ATP6V1C1: variants seen among roughly 807,000 people sequenced by gnomAD.
The protein encoded by ATP6V1C1 is V-type proton ATPase subunit C 1.
A neutral mutation model predicts 53.9 loss-of-function variants in ATP6V1C1; 45 were observed. The ratio of observed to expected loss-of-function variants is 0.83; its 90% CI spans 0.66 to 1.07. The LOEUF (loss-of-function observed/expected upper bound fraction) is 1.07, where lower values mean the gene tolerates loss of function less well. ATP6V1C1 is among the 50% of genes least tolerant of loss of function. ATP6V1C1 has a pLI of 0.00. For synonymous variants in ATP6V1C1, 153 were observed against 155.2 expected, an observed-to-expected ratio of 0.99 and a Z score of 0.11; for missense variants, 315 against 440.3, an observed-to-expected ratio of 0.72 and a Z score of 2.55.
intron 12 of ATP6V1C1, among the ~76,000 whole-genome samples, chr8:103,067,531 A>T (rs184251024): frequency 9.9e-5 from 15 of 150,914 alleles, no homozygotes; most frequent in African/African-American, 3.7e-4. Context: ...AATTAGAACT[A>T]TGAAAAATCA....
chr8:103,065,627 C>G (rs2458274), intron 11 of ATP6V1C1, among the ~76,000 whole-genome samples: 5,949 of 152,132 alleles, frequency 0.039, 132 homozygotes, highest in East Asian at 0.047. Context: ...TAACCATGCT[C>G]ACTATTTTTA....
intron 1 of ATP6V1C1, among the ~76,000 whole-genome samples, chr8:103,040,560 G>C (rs534855142): frequency 1.3e-5 from 2 of 152,076 alleles, no homozygotes; most frequent in Non-Finnish European, 2.9e-5. Flanking sequence ...AAAAAAAGTA[G>C]GTACTTCACA....
In ATP6V1C1 at chr8:103,062,958, T is replaced by C; in HGVS notation, c.645T>C (p.Val215=). Residue 215 remains valine, a synonymous_variant, in exon 9 of 13, where the codon GTT becomes GTC. Coordinates refer to ENST00000518738, the MANE Select transcript of ATP6V1C1 (RefSeq NM_001695.5). Reference sequence around the variant, plus strand: ...TGGACTTTTTTTTTTTCCATAGTGTTCTTTCAGAGGACCAAGACAGTTACC... The same window carrying C: ...TGGACTTTTTTTTTTTCCATAGTGTCCTTTCAGAGGACCAAGACAGTTACC... ...AEMVVPRSSN[V]LSEDQDSYLC... 6.2e-7 allele frequency: 1 copy of C among 1,613,490 alleles called. No individual in the cohort carries two copies. The highest frequency in any genetic ancestry group is 8.5e-7 in the Non-Finnish European group (1 of 1,179,766).
intron 1 of ATP6V1C1, among the ~76,000 whole-genome samples, chr8:103,027,434 A>G (rs1162245334): frequency 6.6e-6 from 1 of 152,188 alleles, no homozygotes; most frequent in Non-Finnish European, 1.5e-5. Flanking sequence ...GGTCAATCCC[A>G]TACCTTCCAT....
chr8:103,066,535 T>G, intron 12 of ATP6V1C1, 88 bp downstream of exon 12: 1 of 1,344,710 alleles, frequency 7.4e-7, no homozygotes, highest in Non-Finnish European at 9.9e-7. Context: ...AAAGGGAGGG[T>G]AAGTATGAAA....
chr8:103,025,254 T>G (rs543319077), intron 1 of ATP6V1C1, among the ~76,000 whole-genome samples: 3 of 152,338 alleles, frequency 2.0e-5, no homozygotes, highest in Admixed American at 1.3e-4. Context: ...AGTTTAGTGT[T>G]TCTATGTGGG....
At chr8:103,026,515 G>T (rs1816695860) in intron 1 of ATP6V1C1, among the ~76,000 whole-genome samples, 2 of 152,120 alleles carry the variant, frequency 1.3e-5, no homozygotes, top group African/African-American at 4.8e-5. Context: ...ATTTATTTAA[G>T]AAAGGCGGGG....
chr8:103,047,186 A>G (rs1171951041), intron 3 of ATP6V1C1, among the ~76,000 whole-genome samples: 2 of 152,112 alleles, frequency 1.3e-5, no homozygotes, highest in African/African-American at 4.8e-5. Flanking sequence ...ACCACTCAGC[A>G]TAGGATTGTC....
At chr8:103,028,970 A>T (rs527784311) in intron 1 of ATP6V1C1, among the ~76,000 whole-genome samples, 23 of 152,260 alleles carry the variant, frequency 1.5e-4, no homozygotes, top group South Asian at 8.3e-4. Context: ...CCTAATAAGG[A>T]TGCGGTGGGA....
At chr8:103,055,451 C>G (rs1244572623) in intron 7 of ATP6V1C1, among the ~76,000 whole-genome samples, 1 of 152,136 alleles carries the variant, frequency 6.6e-6, no homozygotes, top group Admixed American at 6.6e-5. Context: ...TCATGGTACT[C>G]TGTGCTTTCC....
intron 1 of ATP6V1C1, among the ~76,000 whole-genome samples, chr8:103,038,852 A>G (rs1297842807): frequency 2.0e-5 from 3 of 152,184 alleles, no homozygotes; most frequent in East Asian, 3.8e-4. Context: ...TCATTAGAGC[A>G]TGGTGCTTAT....
At chr8:103,063,318 G>C (rs954975239) in intron 10 of ATP6V1C1, 90 bp downstream of exon 10, 1 of 859,670 alleles carries the variant, frequency 1.2e-6, no homozygotes, top group Non-Finnish European at 1.7e-6. Flanking sequence ...GTAAAAATCT[G>C]CTTTGGTTTT....
intron 1 of ATP6V1C1, among the ~76,000 whole-genome samples, chr8:103,037,141 TGAA>T (rs1169814038): frequency 2.6e-5 from 4 of 152,114 alleles, no homozygotes; most frequent in Admixed American, 6.6e-5. Context: ...CCAGGTGTTG[TGAA>T]GAACAGAGAC....
At position 103,066,352 on chromosome 8, in the gene ATP6V1C1, C is replaced by G; in HGVS notation, c.958C>G (p.Leu320Val). ...CTTGCCAGTGAACTTCCAAGCAATG[C>G]TACTTCAGCCCAATAAGAAAACTTT... ...YGLPVNFQAM[L>V]LQPNKKTLKK... The change falls in exon 12 of 13, where the codon CTA (leucine) becomes GTA (valine). Residue 320 changes from leucine (L) to valine (V), a missense_variant. Coordinates refer to ENST00000518738, the MANE Select transcript of ATP6V1C1 (RefSeq NM_001695.5). 1 of 1,613,098 alleles carries G rather than the reference C, an allele frequency of 6.2e-7. No individual in the cohort carries two copies. Among genetic ancestry groups the G allele is most frequent in the Non-Finnish European group, 8.5e-7 (1 of 1,179,744 alleles).
chr8:103,042,308 G>T (rs1817014946), intron 2 of ATP6V1C1, 32 bp from the exon 3 acceptor site: 3 of 1,565,326 alleles, frequency 1.9e-6, no homozygotes, highest in Non-Finnish European at 2.6e-6. Flanking sequence ...AAAAAAGCAT[G>T]CCACCTAAAT....
intron 7 of ATP6V1C1, among the ~76,000 whole-genome samples, chr8:103,055,177 C>T (rs903195198): frequency 2.0e-5 from 3 of 152,112 alleles, no homozygotes; most frequent in Non-Finnish European, 2.9e-5. Context: ...AAATATTTGA[C>T]TCACTCAACC....
intron 3 of ATP6V1C1, among the ~76,000 whole-genome samples, chr8:103,045,059 A>G (rs1817070783): frequency 6.6e-6 from 1 of 152,256 alleles, no homozygotes. Context: ...CTCTGGGGAT[A>G]CAAAGATTTT....
intron 12 of ATP6V1C1, among the ~76,000 whole-genome samples, 174 bp downstream of exon 12, chr8:103,066,621 TA>T (rs763693098): frequency 3.3e-5 from 5 of 152,250 alleles, no homozygotes; most frequent in Non-Finnish European, 5.9e-5. Flanking sequence ...TACCCTGTTT[TA>T]TACTAATTAT....
chr8:103,036,245 T>C (rs1431010751), intron 1 of ATP6V1C1, among the ~76,000 whole-genome samples: 4 of 152,198 alleles, frequency 2.6e-5, no homozygotes, highest in African/African-American at 4.8e-5. Context: ...CTAACCTCTC[T>C]GTGTATTACT....
Sources: gnomAD v4.1 joint callset for allele counts (sites outside exome capture counted in the v4.1 genomes callset) on GRCh38, gnomAD v4.1.1 for gene constraint, MANE v1.5 for transcripts, NCBI Gene and HGNC (gene_info 2026-07-23, HGNC 2026-07-21) for gene names.